The following GPC5 variants were observed in gnomAD, a reference collection of about 807,000 sequenced individuals.
GPC5 encodes the protein glypican 5, also known as glypican-5.
GPC5 carries 47 observed loss-of-function variants against 53.9 expected under a neutral mutation model. The ratio of observed to expected loss-of-function variants is 0.87; its 90% confidence interval spans 0.69 to 1.11. The LOEUF is 1.11. GPC5 is among the 50% of genes most tolerant of loss of function. The pLI, the probability that GPC5 is intolerant of heterozygous loss-of-function variation, is 0.00. For synonymous variants in GPC5, 286 were observed against 263.3 expected (o/e 1.09, Z -0.84); for missense variants, 748 against 713.1 (o/e 1.05, Z -0.56).
At chr13:91,406,278 CTTAAG>C (rs748921257) in intron 1 of GPC5, among the ~76,000 whole-genome samples, 7 of 152,112 alleles carry the variant, frequency 4.6e-5, no homozygotes, top group African/African-American at 7.2e-5. Context: ...AACTCTGATT[CTTAAG>C]TTAAACTCTA....
At chr13:91,591,846 G>A (rs2032811578) in intron 2 of GPC5, among the ~76,000 whole-genome samples, 1 of 152,150 alleles carries the variant, frequency 6.6e-6, no homozygotes, top group Non-Finnish European at 1.5e-5. Context: ...TTGTTTTACT[G>A]GATTCTGTGG....
intron 6 of GPC5, among the ~76,000 whole-genome samples, chr13:91,982,580 A>G (rs2040369179): frequency 6.6e-6 from 1 of 152,196 alleles, no homozygotes; most frequent in Admixed American, 6.5e-5. Flanking sequence ...GTGAAAGACG[A>G]AAATCTAGGC....
chr13:91,857,397 A>T (rs1195795194), intron 5 of GPC5, among the ~76,000 whole-genome samples: 2 of 151,508 alleles, frequency 1.3e-5, no homozygotes, highest in Non-Finnish European at 3.0e-5. Flanking sequence ...TTTCTCAGAA[A>T]TGTTTAGTAG....
chr13:91,831,225 T>C (rs1594602960), intron 5 of GPC5, among the ~76,000 whole-genome samples: 2 of 151,038 alleles, frequency 1.3e-5, no homozygotes, highest in East Asian at 3.9e-4. Context: ...TCCCAAAACT[T>C]GGAGTCTGAT....
At chr13:92,234,007 C>A (rs1407200542) in intron 7 of GPC5, among the ~76,000 whole-genome samples, 1 of 152,180 alleles carries the variant, frequency 6.6e-6, no homozygotes, top group Non-Finnish European at 1.5e-5. Flanking sequence ...TTTATGGCTG[C>A]ATAGTATTCC....
chr13:92,294,292 G>T (rs906821854), intron 7 of GPC5, among the ~76,000 whole-genome samples: 5 of 152,100 alleles, frequency 3.3e-5, no homozygotes, highest in African/African-American at 9.7e-5. Flanking sequence ...TGAATGTCTG[G>T]TAGAATTCAA....
chr13:91,540,002 G>C (rs997685783), intron 2 of GPC5, among the ~76,000 whole-genome samples: 2 of 152,128 alleles, frequency 1.3e-5, no homozygotes, highest in African/African-American at 4.8e-5. Context: ...GTTTAACATA[G>C]AGGCACTAAT....
At chr13:91,466,784 A>G (rs988440987) in intron 2 of GPC5, among the ~76,000 whole-genome samples, 3 of 152,142 alleles carry the variant, frequency 2.0e-5, no homozygotes, top group Non-Finnish European at 4.4e-5. Context: ...GAGTACTTTC[A>G]GGGACTGATT....
At chr13:92,038,394 A>ATC (rs1566406971) in intron 6 of GPC5, among the ~76,000 whole-genome samples, 11 of 149,490 alleles carry the variant, frequency 7.4e-5, no homozygotes, top group South Asian at 2.1e-4. Context: ...GTAGATAGAT[A>ATC]GATCGATCCC....
intron 6 of GPC5, among the ~76,000 whole-genome samples, chr13:92,022,286 C>A (rs2040765810): frequency 6.6e-6 from 1 of 152,168 alleles, no homozygotes; most frequent in African/African-American, 2.4e-5. Context: ...CAGGGGTGAG[C>A]CACCGTGCCT....
At chr13:92,547,068 G>T (rs150464992) in intron 7 of GPC5, among the ~76,000 whole-genome samples, 10 of 152,150 alleles carry the variant, frequency 6.6e-5, no homozygotes, top group African/African-American at 2.2e-4. Context: ...AAAAACCCAA[G>T]AAATTTTATT....
chr13:91,522,262 G>A (rs1218187517), intron 2 of GPC5, among the ~76,000 whole-genome samples: 1 of 152,138 alleles, frequency 6.6e-6, no homozygotes, highest in African/African-American at 2.4e-5. Flanking sequence ...CTCTCTAAAC[G>A]TGCCTTGGTC....
At chr13:92,661,310 A>C (rs375483785) in intron 7 of GPC5, among the ~76,000 whole-genome samples, 2 of 151,838 alleles carry the variant, frequency 1.3e-5, no homozygotes, top group South Asian at 2.1e-4. Flanking sequence ...AAACATAAAA[A>C]CTGACATGCT....
intron 7 of GPC5, among the ~76,000 whole-genome samples, chr13:92,833,892 A>G (rs191733052): frequency 6.6e-6 from 1 of 152,316 alleles, no homozygotes; most frequent in East Asian, 1.9e-4. Context: ...AGAGGCAGGA[A>G]CAAGATTATA....
intron 5 of GPC5, among the ~76,000 whole-genome samples, chr13:91,895,645 T>C (rs2039433441): frequency 6.6e-6 from 1 of 151,976 alleles, no homozygotes; most frequent in South Asian, 2.1e-4. Flanking sequence ...TTTCTTTTTT[T>C]TTTTTTCTTT....
intron 2 of GPC5, among the ~76,000 whole-genome samples, chr13:91,500,438 G>C (rs1884558382): frequency 6.6e-6 from 1 of 152,174 alleles, no homozygotes; most frequent in Non-Finnish European, 1.5e-5. Flanking sequence ...ATACACAGAA[G>C]ATGGGTATTA....
At chr13:92,206,157 T>TG in intron 7 of GPC5, among the ~76,000 whole-genome samples, 2 of 58,860 alleles carry the variant, frequency 3.4e-5, no homozygotes, top group African/African-American at 2.0e-4. Context: ...TTTTTTTTAT[T>TG]TTTTTTTTTA....
intron 7 of GPC5, among the ~76,000 whole-genome samples, chr13:92,548,400 T>C (rs1882199860): frequency 6.6e-6 from 1 of 151,302 alleles, no homozygotes; most frequent in African/African-American, 2.4e-5. Context: ...TATATAAATA[T>C]ATATGTCAAC....
In GPC5 at chr13:92,495,003, C is replaced by T. The variant is rs183949443; in HGVS notation, c.1561+350014C>T. Among the ~76,000 whole-genome samples the T allele has an allele frequency of 6.5e-3, 989 of 152,172 alleles. 6 individuals are homozygous for T. Among genetic ancestry groups the T allele is most frequent in the Middle Eastern group, 0.017 (5 of 294 alleles). On this transcript the variant is annotated intron_variant, in intron 7 of 7. Transcript: ENST00000377067. The stretch of plus-strand genomic sequence containing the variant: ...TATTCCTTCTTGTATCTCAGATTTT[C>T]CATTTGAGTTATTTTGCTTAAGAGT...
Sources: gnomAD v4.1 joint callset for allele counts (sites outside exome capture counted in the v4.1 genomes callset) on GRCh38, gnomAD v4.1.1 for gene constraint, MANE v1.5 for transcripts, NCBI Gene and HGNC (gene_info 2026-07-23, HGNC 2026-07-21) for gene names.